NCAM2: variants seen among roughly 807,000 people sequenced by gnomAD.
NCAM2 encodes N-CAM-2.
Under a neutral mutation model 98.1 loss-of-function variants are expected in NCAM2, and 30 were observed. The ratio of observed to expected loss-of-function variants is 0.31; its 90% CI spans 0.23 to 0.41. NCAM2 has a LOEUF of 0.41. Among genes scored for constraint, NCAM2 ranks in the 10% least tolerant of loss-of-function variants. The pLI is 1.00. For missense variants in NCAM2, 867 were observed against 1,005.8 expected (o/e 0.86, Z 1.87); for synonymous variants, 368 against 342.4 (o/e 1.07, Z -0.83).
chr21:21,485,346 A>T (rs974821940), intron 15 of NCAM2, among the ~76,000 whole-genome samples: 1 of 152,164 alleles, frequency 6.6e-6, no homozygotes, highest in African/African-American at 2.4e-5. Flanking sequence ...CTCAAGTCCT[A>T]TTGTTCTAAC....
At chr21:21,455,551 A>G (rs1008362942) in intron 12 of NCAM2, among the ~76,000 whole-genome samples, 1 of 151,968 alleles carries the variant, frequency 6.6e-6, no homozygotes, top group African/African-American at 2.4e-5. Context: ...TAACTTCTCC[A>G]GAAAACATGT....
At chr21:21,147,174 G>T (rs1001968783) in intron 1 of NCAM2, 33 of 970,440 alleles carry the variant, frequency 3.4e-5, no homozygotes, top group African/African-American at 3.9e-5. Flanking sequence ...ACCGGAGCTG[G>T]TACCGCTGCC....
chr21:21,407,277 T>C (rs2076759744), intron 9 of NCAM2, among the ~76,000 whole-genome samples: 1 of 152,230 alleles, frequency 6.6e-6, no homozygotes. Flanking sequence ...TATAGACATT[T>C]AGTTTCTGTT....
chr21:21,147,640 A>G (rs947298213), intron 1 of NCAM2, among the ~76,000 whole-genome samples: 3 of 149,836 alleles, frequency 2.0e-5, no homozygotes, highest in African/African-American at 7.3e-5. Context: ...GTATCAACAG[A>G]TATATATTTA....
chr21:21,530,088 ATT>A (rs1989545276), intron 16 of NCAM2, among the ~76,000 whole-genome samples: 12 of 138,428 alleles, frequency 8.7e-5, no homozygotes, highest in Non-Finnish European at 1.9e-4. Context: ...ATATAATTTA[ATT>A]TAATTTAATT....
intron 1 of NCAM2, among the ~76,000 whole-genome samples, chr21:21,269,263 G>A (rs1017067741): frequency 2.0e-5 from 3 of 152,108 alleles, no homozygotes; most frequent in Non-Finnish European, 2.9e-5. Flanking sequence ...CTGATTGGAG[G>A]CCTGAGAAAC....
intron 1 of NCAM2, among the ~76,000 whole-genome samples, chr21:21,074,877 G>T (rs1310820666): frequency 6.6e-6 from 1 of 152,084 alleles, no homozygotes; most frequent in African/African-American, 2.4e-5. Flanking sequence ...ATTCTATAAA[G>T]ACATGCACAT....
intron 1 of NCAM2, among the ~76,000 whole-genome samples, chr21:21,116,538 A>G (rs1376510582): frequency 6.6e-6 from 1 of 152,134 alleles, no homozygotes; most frequent in Non-Finnish European, 1.5e-5. Context: ...TGGTCCATTT[A>G]GCATAGTAGG....
chr21:21,056,832 ATTTCAGGGTGCTC>A (rs1456233425), intron 1 of NCAM2, among the ~76,000 whole-genome samples: 1 of 152,040 alleles, frequency 6.6e-6, no homozygotes, highest in African/African-American at 2.4e-5. Context: ...AAGCCTGGAG[ATTTCAGGGTGCTC>A]TTTCATAATT....
At chr21:21,183,275 A>G (rs1042004449) in intron 1 of NCAM2, among the ~76,000 whole-genome samples, 1 of 152,164 alleles carries the variant, frequency 6.6e-6, no homozygotes. Context: ...CTGATACATT[A>G]TGAGGCCAGA....
At chr21:21,149,109 G>C (rs985112532) in intron 1 of NCAM2, among the ~76,000 whole-genome samples, 3 of 152,044 alleles carry the variant, frequency 2.0e-5, no homozygotes, top group Non-Finnish European at 4.4e-5. Flanking sequence ...AAATTGTCTG[G>C]ATATCTGTAA....
chr21:21,095,381 A>T (rs368686923), intron 1 of NCAM2, among the ~76,000 whole-genome samples: 1 of 151,774 alleles, frequency 6.6e-6, no homozygotes, highest in South Asian at 2.1e-4. Flanking sequence ...AATGTATGTA[A>T]TATTGTAAAA....
At chr21:21,430,879 C>T (rs2077322403) in intron 11 of NCAM2, among the ~76,000 whole-genome samples, 1 of 151,642 alleles carries the variant, frequency 6.6e-6, no homozygotes, top group African/African-American at 2.4e-5. Flanking sequence ...AACCCTATCT[C>T]TACTAAAAAT....
chr21:21,185,419 C>G (rs2068608218), intron 1 of NCAM2, among the ~76,000 whole-genome samples: 1 of 152,102 alleles, frequency 6.6e-6, no homozygotes, highest in Non-Finnish European at 1.5e-5. Flanking sequence ...TGTAATGACT[C>G]CTGTCTAGCA....
intron 1 of NCAM2, among the ~76,000 whole-genome samples, chr21:21,276,119 TGTC>T (rs973332554): frequency 2.2e-4 from 34 of 152,196 alleles, no homozygotes; most frequent in African/African-American, 8.2e-4. Context: ...TATGTTTCAT[TGTC>T]GTCTATAAAG....
At chr21:21,360,683 T>C (rs1236924720) in intron 8 of NCAM2, among the ~76,000 whole-genome samples, 1 of 151,976 alleles carries the variant, frequency 6.6e-6, no homozygotes, top group Non-Finnish European at 1.5e-5. Context: ...TGCCAGTCTT[T>C]TTTTTTTCGC....
At chr21:21,358,963 A>G (rs1361273382) in intron 8 of NCAM2, among the ~76,000 whole-genome samples, 1 of 152,024 alleles carries the variant, frequency 6.6e-6, no homozygotes, top group East Asian at 1.9e-4. Flanking sequence ...AGCTTTCCAT[A>G]TAAATCAATT....
chr21:21,149,620 T>A (rs1230787848), intron 1 of NCAM2, among the ~76,000 whole-genome samples: 3 of 151,246 alleles, frequency 2.0e-5, no homozygotes, highest in African/African-American at 7.3e-5. Flanking sequence ...CCTGTGCCCA[T>A]GTGTTCTCAT....
intron 9 of NCAM2, among the ~76,000 whole-genome samples, chr21:21,375,622 A>G (rs910029989): frequency 2.6e-5 from 4 of 151,796 alleles, no homozygotes; most frequent in African/African-American, 7.2e-5. Flanking sequence ...CAACATCATT[A>G]GCAAATTATA....
Sources: allele counts gnomAD v4.1 joint callset (sites outside exome capture counted in the v4.1 genomes callset), GRCh38; gene constraint gnomAD v4.1.1; transcripts MANE v1.5; gene names NCBI Gene and HGNC (gene_info 2026-07-23, HGNC 2026-07-21).